The following FYN variants were observed in gnomAD, a reference collection of about 807,000 sequenced individuals.
FYN encodes the protein FYN proto-oncogene, Src family tyrosine kinase.
A neutral mutation model predicts 70.2 loss-of-function variants in FYN; 10 were observed. That is an observed-to-expected ratio of 0.14 (90% CI 0.09 to 0.24). The LOEUF (loss-of-function observed/expected upper bound fraction) is 0.24, where lower values mean the gene tolerates loss of function less well. FYN is among the 10% of genes least tolerant of loss of function. The pLI is 1.00. For missense variants in FYN, 319 were observed against 673.1 expected (o/e 0.47, Z 5.82); for synonymous variants, 236 against 248.6 (o/e 0.95, Z 0.48).
At chr6:111,699,913 C>CTTTTTTTTTTTTTTTTT (rs71021861) in intron 9 of FYN, 191 bp downstream of exon 9, 4 of 186,566 alleles carry the variant, frequency 2.1e-5, no homozygotes, top group African/African-American at 6.1e-5. Flanking sequence ...CACTTACTAT[C>CTTTTTTTTTTTTTTTTT]TTTTTTTTTT....
intron 13 of FYN, among the ~76,000 whole-genome samples, chr6:111,674,239 A>C (rs761955365): frequency 5.3e-5 from 8 of 152,170 alleles, no homozygotes; most frequent in Non-Finnish European, 1.2e-4. Context: ...AGATTCTATG[A>C]ACTGGAGGGG....
chr6:111,724,602 A>T (rs534972160), intron 3 of FYN, among the ~76,000 whole-genome samples: 1 of 152,352 alleles, frequency 6.6e-6, no homozygotes, highest in East Asian at 1.9e-4. Context: ...CTTCTGCACA[A>T]GCAAATTACT....
chr6:111,839,193 C>A (rs1773279263), intron 2 of FYN, among the ~76,000 whole-genome samples: 1 of 152,126 alleles, frequency 6.6e-6, no homozygotes, highest in Non-Finnish European at 1.5e-5. Flanking sequence ...TGTACTATGT[C>A]TTACCAGATT....
At chr6:111,820,546 G>C (rs1163429844) in intron 2 of FYN, among the ~76,000 whole-genome samples, 1 of 152,030 alleles carries the variant, frequency 6.6e-6, no homozygotes, top group Non-Finnish European at 1.5e-5. Flanking sequence ...CAGCGCTTAG[G>C]ATATTTACGT....
rs1773844644 is a variant in FYN at position 111,857,197 on chromosome 6, C to T, written c.-122-10568G>A. On this transcript the variant is annotated intron_variant, in intron 1 of 13. Transcript: ENST00000354650. ...ATTTAGAGACATTTCTACTATTCAC[C>T]CTGTTACCTTTACAATATGAAACTG... Among the ~76,000 whole-genome samples the T allele has an allele frequency of 1.3e-5, 2 of 152,082 alleles. 1 individual carries two copies. The highest frequency in any genetic ancestry group is 4.2e-4 in the South Asian group (2 of 4,818).
rs1372232618 is a variant in FYN, at chr6:111,873,219, G to A, written c.-374C>T. On this transcript the variant is annotated 5_prime_UTR_variant, in exon 1 of 14. Transcript: ENST00000354650. ...GCCCGGGCGGTCCTCGGTGCGCTGG[G>A]AGAAGCGCGGCGCGCCCGGGCGGGA... 6.7e-5 allele frequency: 10 copies of A among 148,232 alleles called. No individual in the cohort carries two copies. Among genetic ancestry groups the A allele is most frequent in the African/African-American group, 1.7e-4 (7 of 40,548 alleles). The allele number at this position is 148,232 out of a possible 1,614,324, so 9.2% of individuals were successfully genotyped here.
chr6:111,836,383 T>C lies in FYN; in HGVS notation c.-82+10206A>G, dbSNP rs189564326. ...TGGTTGCCTAATATTTACATGCAAA[T>C]AGGCCTCAGATATTAACTGATTTGG... On this transcript the variant is annotated intron_variant, in intron 2 of 13. Transcript: ENST00000354650. Among the ~76,000 whole-genome samples the C allele has an allele frequency of 5.9e-5, 9 of 152,236 alleles. No homozygotes were observed. The East Asian group carries it at 1.7e-3, about 29-fold the overall frequency.
intron 2 of FYN, among the ~76,000 whole-genome samples, chr6:111,802,704 C>T (rs1226101518): frequency 6.6e-6 from 1 of 151,770 alleles, no homozygotes; most frequent in African/African-American, 2.4e-5. Flanking sequence ...GCTGGGATTA[C>T]AGGCATGAGC....
chr6:111,766,637 C>T (rs898301247), intron 3 of FYN, among the ~76,000 whole-genome samples: 21 of 152,250 alleles, frequency 1.4e-4, no homozygotes, highest in South Asian at 4.1e-4. Flanking sequence ...ACAATCATGG[C>T]AGAAGGGGAA....
chr6:111,866,590 C>T (rs1583504867), intron 1 of FYN, among the ~76,000 whole-genome samples: 1 of 152,336 alleles, frequency 6.6e-6, no homozygotes, highest in Non-Finnish European at 1.5e-5. Flanking sequence ...GATCCACCTG[C>T]CTTGGCTTCC....
At chr6:111,756,092 A>G (rs912559463) in intron 3 of FYN, among the ~76,000 whole-genome samples, 1 of 152,094 alleles carries the variant, frequency 6.6e-6, no homozygotes, top group Non-Finnish European at 1.5e-5. Flanking sequence ...AAGACTAATA[A>G]GAGCCAAATC....
intron 3 of FYN, among the ~76,000 whole-genome samples, chr6:111,722,425 T>TG (rs1315004776): frequency 6.6e-6 from 1 of 152,252 alleles, no homozygotes; most frequent in East Asian, 1.9e-4. Flanking sequence ...TTGTTGATGT[T>TG]GCTTCATCAG....
intron 13 of FYN, 22 bp downstream of exon 13, chr6:111,674,477 G>A (rs745961377): frequency 1.3e-6 from 2 of 1,597,102 alleles, no homozygotes; most frequent in Admixed American, 3.4e-5. Flanking sequence ...TCAGGCCCAT[G>A]TCTGTGAGGC....
chr6:111,725,079 G>A (rs1801132100), intron 3 of FYN, among the ~76,000 whole-genome samples: 1 of 152,110 alleles, frequency 6.6e-6, no homozygotes, highest in Admixed American at 6.5e-5. Context: ...GATAAGATGT[G>A]GCAGAGACAC....
intron 12 of FYN, among the ~76,000 whole-genome samples, chr6:111,688,733 T>C (rs571741766): frequency 6.6e-6 from 1 of 152,288 alleles, no homozygotes; most frequent in Admixed American, 6.5e-5. Context: ...ATATTCAGAC[T>C]TCACAAGATT....
chr6:111,773,426 A>G (rs1583430072), intron 3 of FYN, among the ~76,000 whole-genome samples: 1 of 34,632 alleles, frequency 2.9e-5, no homozygotes, highest in Non-Finnish European at 5.3e-5. Flanking sequence ...TGAGCGGGAG[A>G]GGGAGAGGGA....
intron 3 of FYN, among the ~76,000 whole-genome samples, chr6:111,725,317 T>C (rs563384110): frequency 4.6e-5 from 7 of 152,086 alleles, no homozygotes; most frequent in South Asian, 2.1e-4. Flanking sequence ...AGCAATGAGG[T>C]TGGGCCACAG....
At chr6:111,737,489 T>C (rs933640810) in intron 3 of FYN, among the ~76,000 whole-genome samples, 7 of 152,190 alleles carry the variant, frequency 4.6e-5, no homozygotes, top group African/African-American at 1.7e-4. Flanking sequence ...ATAAAGGATG[T>C]TTTAAAGGAT....
intron 12 of FYN, among the ~76,000 whole-genome samples, chr6:111,678,106 ATATGTGTGTGTGTGTGTGTG>A (rs1436554761): frequency 5.9e-5 from 7 of 118,612 alleles, no homozygotes; most frequent in East Asian, 2.5e-4. Flanking sequence ...GAAGGCCATA[ATATGTGTGTGTGTGTGTGTG>A]TGTGTGTGTG....
Sources: allele counts gnomAD v4.1 joint callset (sites outside exome capture counted in the v4.1 genomes callset), GRCh38; gene constraint gnomAD v4.1.1; transcripts MANE v1.5; gene names NCBI Gene and HGNC (gene_info 2026-07-23, HGNC 2026-07-21).